Variants in NOBOX observed in about 807,000 individuals in gnomAD.
NOBOX encodes NOBOX oogenesis homeobox.
In NOBOX, 46 loss-of-function variants were observed where a neutral mutation model predicts 60.2. The observed-to-expected ratio is 0.76, with a 90% CI of 0.60 to 0.98. The LOEUF (loss-of-function observed/expected upper bound fraction) is 0.98, where lower values mean the gene tolerates loss of function less well. Among genes scored for constraint, NOBOX ranks in the 50% least tolerant of loss-of-function variants. NOBOX has a pLI of 0.00. For synonymous variants in NOBOX, 360 were observed against 346.3 expected (o/e 1.04, Z -0.44); for missense variants, 880 against 865.5 (o/e 1.02, Z -0.21).
chr7:144,397,650 C>T, intron 9 of NOBOX, 109 bp from the exon 8 acceptor site: 1 of 940,150 alleles, frequency 1.1e-6, no homozygotes, highest in Non-Finnish European at 1.5e-6. Context: ...ATAGACGCAG[C>T]TTAGGACCTC....
At position 144,401,341 on chromosome 7, in the gene NOBOX, T is replaced by C. The variant is rs1267966653; in HGVS notation, c.549A>G (p.Glu183=). The C allele has an allele frequency of 2.5e-6, 4 of 1,613,790 alleles. No homozygotes were observed. In the South Asian group the frequency reaches 3.3e-5, roughly 13 times the overall value. ...CCTCTCCCACTGGGAGGGAACAATC[T>C]TCCCCCTGAGTCTGGGGCCTGGAGC... Residue 183 remains glutamate, a synonymous_variant, in exon 4 of 10, where the codon GAA becomes GAG. Transcript: ENST00000467773. This position sits in a 1 kb window ranked among gnomAD's most constrained non-coding sequence, Gnocchi z 4.2.
chr7:144,400,699 G>C (rs1281813049), intron 4 of NOBOX, among the ~76,000 whole-genome samples: 1 of 152,180 alleles, frequency 6.6e-6, no homozygotes, highest in African/African-American at 2.4e-5. Flanking sequence ...CAGCATGTCT[G>C]GCTAATGTTT....
chr7:144,403,798 G>A, intron 2 of NOBOX, 105 bp from the exon 1 acceptor site: 4 of 406,040 alleles, frequency 9.9e-6, no homozygotes, highest in African/African-American at 2.3e-5. Flanking sequence ...GGGCCGGGCC[G>A]GGGGAGCCGT....
At chr7:144,402,890 G>A (rs1261822257) in intron 2 of NOBOX, among the ~76,000 whole-genome samples, 1 of 151,242 alleles carries the variant, frequency 6.6e-6, no homozygotes, top group Non-Finnish European at 1.5e-5. Flanking sequence ...CCAAGTAGCT[G>A]GGATTACAGG....
intron 2 of NOBOX, chr7:144,404,451 G>T: frequency 4.1e-6 from 4 of 971,652 alleles, no homozygotes; most frequent in Non-Finnish European, 4.7e-6. Flanking sequence ...GTTTCACCAC[G>T]TTGGCTAGGC....
In NOBOX at chr7:144,399,927, G is replaced by T. The variant is rs2053924735; in HGVS notation, c.1048-64C>A. The stretch of plus-strand genomic sequence containing the variant: ...GGCAGAGACTGAGGCTTAGGTCCTG[G>T]CTGTTGCACAAGGAGCTACAGGACT... On this transcript the variant is annotated intron_variant, in intron 5 of 9. Transcript: ENST00000467773. 2.1e-6 allele frequency: 3 copies of T among 1,398,444 alleles called. No individual in the cohort carries two copies. In the African/African-American group the frequency reaches 4.2e-5, roughly 20 times the overall value. The allele number at this position is 1,398,444 out of a possible 1,614,324, so 86.6% of individuals were successfully genotyped here.
At chr7:144,406,017 T>G (rs1255654902) in intron 1 of NOBOX, among the ~76,000 whole-genome samples, 2 of 152,198 alleles carry the variant, frequency 1.3e-5, no homozygotes, top group Non-Finnish European at 2.9e-5. Context: ...TCTGCTGCAG[T>G]GAGAAGCGGG....
chr7:144,408,236 CTT>C (rs540515599), intron 1 of NOBOX, among the ~76,000 whole-genome samples: 50 of 140,516 alleles, frequency 3.6e-4, no homozygotes, highest in Non-Finnish European at 4.0e-4. Flanking sequence ...CAGCATGAAA[CTT>C]TTTTTTTTTT....
In NOBOX at chr7:144,399,449, C is replaced by T. The variant is rs770791169; in HGVS notation, c.1188G>A (p.Met396Ile). The T allele has an allele frequency of 1.7e-4, 276 of 1,586,608 alleles. No homozygotes were observed. Among genetic ancestry groups the T allele is most frequent in the Non-Finnish European group, 2.3e-4 (272 of 1,166,334 alleles). Reference sequence around the variant, plus strand: ...GAGGGAAAGGGTCAGGCTTTGGCTCCATGGGCACAGCAGGTAGGATCTCAG... The same window carrying T: ...GAGGGAAAGGGTCAGGCTTTGGCTCTATGGGCACAGCAGGTAGGATCTCAG... The change falls in exon 7 of 10, where the codon ATG (methionine) becomes ATA (isoleucine). Residue 396 changes from methionine (M) to isoleucine (I), a missense_variant. Coordinates refer to ENST00000467773, the MANE Select transcript of NOBOX (RefSeq NM_001080413.3).
chr7:144,397,520 G>T lies in NOBOX; in HGVS notation c.1796C>A (p.Pro599His), dbSNP rs1208216. The T allele has an allele frequency of 0.16, 243,251 of 1,533,932 alleles. 21,039 individuals are homozygous for T. Among genetic ancestry groups the T allele is most frequent in the South Asian group, 0.22 (18,831 of 83,754 alleles). The change falls in exon 10 of 10, where the codon CCC (proline) becomes CAC (histidine). Residue 599 changes from proline to histidine, a missense_variant. Transcript: ENST00000467773. ...AGGGAAGGGCAGCTCTGGCAAACAG[G>T]GGTCACTCCAGGAGGCTGTACCTGT... is the stretch of plus-strand genomic sequence containing the variant.
intron 1 of NOBOX, among the ~76,000 whole-genome samples, chr7:144,408,743 A>C (rs2054002440): frequency 6.6e-6 from 1 of 152,216 alleles, no homozygotes; most frequent in African/African-American, 2.4e-5. Flanking sequence ...GGGATGGATC[A>C]TTGTTCAGTG....
rs2053934327 is a variant in NOBOX at position 144,401,083 on chromosome 7, G to T, written c.807C>A (p.Cys269Ter). The T allele has an allele frequency of 2.0e-6, 3 of 1,531,096 alleles. No individual in the cohort carries two copies. Among genetic ancestry groups the T allele is most frequent in the African/African-American group, 2.8e-5 (2 of 71,942 alleles). 94.8% of individuals were successfully genotyped at this position (1,531,096 alleles called of 1,614,324 possible). A position where few individuals can be genotyped will look rare whatever the true frequency, so the allele number is the denominator to read the frequency against. The change falls in exon 4 of 10, where the codon TGC (cysteine) becomes TGA (stop). Residue 269 changes from cysteine to a stop codon, truncating the protein, a stop_gained. Transcript: ENST00000467773. LOFTEE classifies it high-confidence loss of function. This position sits in a 1 kb window ranked among gnomAD's most constrained non-coding sequence, Gnocchi z 4.2. The stretch of plus-strand genomic sequence containing the variant: ...GGGTTCGTGTCTTTTTCCTAATTTG[G>T]CAGGTCACTTCCGGGGGCCCCTGCT...
intron 1 of NOBOX, chr7:144,404,722 T>A (rs775652155): frequency 1.4e-5 from 22 of 1,604,732 alleles, no homozygotes; most frequent in Non-Finnish European, 1.9e-5. Flanking sequence ...ATCCATTTGG[T>A]GTTTCGATTT....
At position 144,401,407 on chromosome 7, in the gene NOBOX, G is replaced by A; in HGVS notation, c.483C>T (p.Pro161=). ...CTTTGTGGGGAGCCCTGGAGCGGGGGGGCGGGCACAGTCTCCCAGCATCAG... is the reference window on the plus strand; with the variant it reads ...CTTTGTGGGGAGCCCTGGAGCGGGGAGGCGGGCACAGTCTCCCAGCATCAG... The change falls in exon 4 of 10, where the codon CCC becomes CCT. Residue 161 remains proline (P), a synonymous_variant. Transcript: ENST00000467773. This position sits in a 1 kb window ranked among gnomAD's most constrained non-coding sequence, Gnocchi z 4.2. 6.2e-7 allele frequency: 1 copy of A among 1,612,504 alleles called. No homozygotes were observed. Among genetic ancestry groups the A allele is most frequent in the Non-Finnish European group, 8.5e-7 (1 of 1,179,116 alleles).
chr7:144,403,078 A>T (rs577501490), intron 2 of NOBOX, among the ~76,000 whole-genome samples: 16 of 152,182 alleles, frequency 1.1e-4, no homozygotes, highest in South Asian at 2.1e-4. Context: ...TTTGTAACAG[A>T]GTGTCAAGGA....
At chr7:144,409,247 G>C (rs1428480813) in intron 1 of NOBOX, among the ~76,000 whole-genome samples, 1 of 152,132 alleles carries the variant, frequency 6.6e-6, no homozygotes, top group Non-Finnish European at 1.5e-5. Flanking sequence ...CTTTAACAGG[G>C]GTGTGGGTGA....
Position 144,398,479 on chromosome 7 carries a change from G to C in NOBOX, c.1577C>G (p.Pro526Arg). 2 of 1,537,112 alleles carry C rather than the reference G, an allele frequency of 1.3e-6. No individual in the cohort carries two copies. The highest frequency in any genetic ancestry group is 1.2e-5 in the South Asian group (1 of 84,048). ...CTTGGGCTGAGGGGACTGGAAAAGC[G>C]GGGGCTGTGGAGCCTGGGAGAACTG... Residue 526 changes from proline to arginine, a missense_variant, in exon 9 of 10, where the codon CCG becomes CGG. Pro to Arg is a moderately radical substitution (Grantham distance 103). Transcript: ENST00000467773.
Position 144,399,175 on chromosome 7 carries a change from G to A in NOBOX, c.1244C>T (p.Pro415Leu), listed in dbSNP as rs770662872. 6.6e-6 allele frequency: 10 copies of A among 1,523,530 alleles called. No individual in the cohort carries two copies. Among genetic ancestry groups the A allele is most frequent in the African/African-American group, 1.4e-5 (1 of 73,076 alleles). The allele number at this position is 1,523,530 out of a possible 1,614,324, so 94.4% of individuals were successfully genotyped here. Reference sequence around the variant, plus strand: ...CTGGTCAGAAGTCAGCAGCATGGGGGGCTCTAGGAACAGAAGGCAAAGAGG... The same window carrying A: ...CTGGTCAGAAGTCAGCAGCATGGGGAGCTCTAGGAACAGAAGGCAAAGAGG... The change falls in exon 8 of 10, where the codon CCC becomes CTC. Residue 415 changes from proline (P) to leucine (L), a missense_variant. Pro to Leu is a moderately conservative substitution (Grantham distance 98). Coordinates refer to ENST00000467773, the MANE Select transcript of NOBOX (RefSeq NM_001080413.3).
In NOBOX at chr7:144,404,545, G is replaced by A. The variant is rs367904214; in HGVS notation, c.210+11C>T. ...ATTACAGGCGTGAGCCACAGCGCTC[G>A]CCCCCCGTACTGATTTGAGGGTCTC... On this transcript the variant is annotated intron_variant, in intron 2 of 9. Transcript: ENST00000467773. The A allele has an allele frequency of 1.1e-4, 181 of 1,609,926 alleles. No individual in the cohort carries two copies. The African/African-American group carries it at 2.3e-3, about 20-fold the overall frequency.
Sources: allele counts gnomAD v4.1 joint callset (sites outside exome capture counted in the v4.1 genomes callset), GRCh38; gene constraint gnomAD v4.1.1; non-coding constraint Gnocchi (gnomAD v3.1); transcripts MANE v1.5; gene names NCBI Gene and HGNC (gene_info 2026-07-23, HGNC 2026-07-21).